The following GALNT13 variants were observed in gnomAD, a reference collection of about 807,000 sequenced individuals.
GALNT13 encodes the protein polypeptide N-acetylgalactosaminyltransferase 13.
In GALNT13, 28 loss-of-function variants were observed where a neutral mutation model predicts 64.2. The ratio of observed to expected loss-of-function variants is 0.44; its 90% CI spans 0.32 to 0.60. The LOEUF (loss-of-function observed/expected upper bound fraction) is 0.60, where lower values mean the gene tolerates loss of function less well. Ranked by LOEUF, GALNT13 falls within the 20% of genes least tolerant of loss-of-function variation. GALNT13 has a pLI of 0.05. For synonymous variants in GALNT13, 214 were observed against 224.6 expected, an observed-to-expected ratio of 0.95 and a Z score of 0.42; for missense variants, 577 against 669.8, an observed-to-expected ratio of 0.86 and a Z score of 1.53.
At chr2:153,638,421 GACACCCGGGATAGTAATAGAAATAGTAAA>G in the GALNT13 span, among the ~76,000 whole-genome samples, 3 of 86,862 alleles carry the variant, frequency 3.5e-5, 1 homozygote, top group African/African-American at 1.0e-4. Context: ...TGGTTGCCTG[GACACCCGGGATAGTAATAGAAATAGTAAA>G]AAAGTAGTAC....
At chr2:153,672,810 G>A in the GALNT13 span, among the ~76,000 whole-genome samples, 15 of 148,826 alleles carry the variant, frequency 1.0e-4, no homozygotes, top group South Asian at 3.2e-3. Flanking sequence ...TAGACCGCTA[G>A]CAAGACTAAT....
chr2:154,447,363 C>T (rs887102959), intron 12 of GALNT13, among the ~76,000 whole-genome samples: 11 of 151,682 alleles, frequency 7.3e-5, no homozygotes, highest in African/African-American at 2.7e-4. Context: ...CTAAGTGAAA[C>T]AATATTTTTT....
chr2:153,082,606 TATATATATATATACAC>T, the GALNT13 span, among the ~76,000 whole-genome samples: 14 of 44,786 alleles, frequency 3.1e-4, no homozygotes, highest in South Asian at 3.7e-3. Context: ...TATATATATA[TATATATATATATACAC>T]ACACACACAC....
rs557381700 is a variant in GALNT13, at chr2:154,305,211, C to A, written c.1156+3622C>A. 1.1e-4 allele frequency among the ~76,000 whole-genome samples: 16 copies of A among 152,180 alleles called. No individual in the cohort carries two copies. In the East Asian group the frequency reaches 1.9e-3, roughly 18 times the overall value. On this transcript the variant is annotated intron_variant, in intron 9 of 12. Transcript: ENST00000392825. Reference sequence around the variant, plus strand: ...GGTCATTTTAATTTAAAATCAAAATCATACACTTCTTTGCTATCCTCTGGA... The same window carrying A: ...GGTCATTTTAATTTAAAATCAAAATAATACACTTCTTTGCTATCCTCTGGA...
At position 154,298,660 on chromosome 2, in the gene GALNT13, T is replaced by TGTATATATAAA. The variant is rs1340637365; in HGVS notation, c.976-2749_976-2748insGTATATATAAA. 7.2e-4 allele frequency among the ~76,000 whole-genome samples: 39 copies of TGTATATATAAA among 53,906 alleles called. 6 individuals carry two copies. Among genetic ancestry groups the TGTATATATAAA allele is most frequent in the African/African-American group, 3.2e-3 (36 of 11,258 alleles). 35.4% of individuals were successfully genotyped at this position (53,906 alleles called of 152,430 possible). A position where few individuals can be genotyped will look rare whatever the true frequency, so the allele number is the denominator to read the frequency against. On this transcript the variant is annotated intron_variant, in intron 8 of 12. Transcript: ENST00000392825. Reference sequence around the variant, plus strand: ...ATTTATATATACATTGTATATACAATTTATATATACATTGTATATACAATT... The same window carrying TGTATATATAAA: ...ATTTATATATACATTGTATATACAATGTATATATAAATTATATATACATTGTATATACAATT...
the GALNT13 span, among the ~76,000 whole-genome samples, chr2:153,719,510 C>T: frequency 6.6e-5 from 10 of 152,276 alleles, no homozygotes; most frequent in South Asian, 2.1e-4. Flanking sequence ...GCTTGAGCGA[C>T]GCAGAAGACG....
chr2:153,730,727 T>C, the GALNT13 span, among the ~76,000 whole-genome samples: 4 of 151,522 alleles, frequency 2.6e-5, no homozygotes, highest in Non-Finnish European at 5.9e-5. Context: ...CATTAAAAAG[T>C]TGGCAAAAAA....
the GALNT13 span, among the ~76,000 whole-genome samples, chr2:153,678,531 G>T: frequency 6.6e-6 from 1 of 151,992 alleles, no homozygotes; most frequent in African/African-American, 2.4e-5. Context: ...CTACTTGAAG[G>T]TGGGGCATGG....
At chr2:154,437,515 C>G in intron 11 of GALNT13, 1 of 1,275,678 alleles carries the variant, frequency 7.8e-7, no homozygotes, top group African/African-American at 1.5e-5. Context: ...CTGAACAATG[C>G]TTATCGTAGT....
At chr2:153,231,669 TC>T in the GALNT13 span, among the ~76,000 whole-genome samples, 368 of 152,340 alleles carry the variant, frequency 2.4e-3, 8 homozygotes, top group East Asian at 0.031. Context: ...TTTATTTTTT[TC>T]TTATTTATTA....
chr2:154,207,224 T>C (rs1049722525), intron 4 of GALNT13, among the ~76,000 whole-genome samples: 25 of 152,190 alleles, frequency 1.6e-4, no homozygotes, highest in African/African-American at 6.0e-4. Context: ...CGTGTCTTGT[T>C]TGATGCCTCC....
intron 4 of GALNT13, among the ~76,000 whole-genome samples, chr2:154,167,997 A>T (rs1425414847): frequency 1.3e-5 from 2 of 152,196 alleles, no homozygotes; most frequent in African/African-American, 4.8e-5. Flanking sequence ...GCCAAAGCCA[A>T]GTCAGGTGGG....
upstream of GALNT13, among the ~76,000 whole-genome samples, chr2:153,867,168 A>C (rs1017936549): frequency 4.6e-5 from 7 of 152,184 alleles, no homozygotes; most frequent in African/African-American, 1.2e-4. Flanking sequence ...AGCTGGAGCT[A>C]TTCCCACTAG....
At chr2:153,407,221 T>G in the GALNT13 span, among the ~76,000 whole-genome samples, 128 of 152,214 alleles carry the variant, frequency 8.4e-4, no homozygotes, top group African/African-American at 2.9e-3. Flanking sequence ...AAACAGAAAC[T>G]CAGGATGGGG....
the GALNT13 span, among the ~76,000 whole-genome samples, chr2:153,130,781 G>A: frequency 6.6e-6 from 1 of 152,108 alleles, no homozygotes; most frequent in Non-Finnish European, 1.5e-5. Flanking sequence ...GTTTCCTTCT[G>A]AATCAAACTC....
chr2:154,357,625 T>C (rs566109340), intron 9 of GALNT13, among the ~76,000 whole-genome samples: 54 of 152,200 alleles, frequency 3.5e-4, no homozygotes, highest in African/African-American at 1.0e-3. Flanking sequence ...GGCAAGCTTA[T>C]CAAATATTCT....
Position 154,019,296 on chromosome 2 carries a change from A to G in GALNT13, c.142+74657A>G, listed in dbSNP as rs1046111144. Among the ~76,000 whole-genome samples, 3 of 152,162 alleles carry G rather than the reference A, an allele frequency of 2.0e-5. No homozygotes were observed. In the East Asian group the frequency reaches 5.8e-4, roughly 29 times the overall value. ...TTTTGAACATTTAAAGCCATTTAAT[A>G]TCTTGTTTTGCTATAGAAATCATTA... is the stretch of plus-strand genomic sequence containing the variant. On this transcript the variant is annotated intron_variant, in intron 3 of 12. Transcript: ENST00000392825.
chr2:153,450,535 C>T, the GALNT13 span, among the ~76,000 whole-genome samples: 1 of 151,380 alleles, frequency 6.6e-6, no homozygotes, highest in African/African-American at 2.4e-5. Context: ...ATGATAAGTT[C>T]TGATTCCCAC....
At chr2:154,097,341 G>T (rs1254363582) in intron 3 of GALNT13, among the ~76,000 whole-genome samples, 1 of 151,944 alleles carries the variant, frequency 6.6e-6, no homozygotes, top group Non-Finnish European at 1.5e-5. Context: ...TATCAGAAAT[G>T]CTATTACAGG....
Sources: gnomAD v4.1 joint callset for allele counts (sites outside exome capture counted in the v4.1 genomes callset) on GRCh38, gnomAD v4.1.1 for gene constraint, MANE v1.5 for transcripts, NCBI Gene and HGNC (gene_info 2026-07-23, HGNC 2026-07-21) for gene names.